The following LURAP1L variants were observed in gnomAD, a reference collection of about 807,000 sequenced individuals.
The protein encoded by LURAP1L is leucine rich adaptor protein 1 like.
Under a neutral mutation model 13.8 loss-of-function variants are expected in LURAP1L, and 12 were observed. That is an observed-to-expected ratio of 0.87 (90% CI 0.56 to 1.41). LURAP1L has a LOEUF of 1.41. Ranked by LOEUF, LURAP1L falls within the 40% of genes most tolerant of loss-of-function variation. LURAP1L has a pLI of 0.00. For synonymous variants in LURAP1L, 139 were observed against 119.2 expected, an observed-to-expected ratio of 1.17 and a Z score of -1.08; for missense variants, 375 against 292.9, an observed-to-expected ratio of 1.28 and a Z score of -2.04.
At chr9:12,820,890 G>T (rs1586889634) in intron 1 of LURAP1L, among the ~76,000 whole-genome samples, 1 of 152,124 alleles carries the variant, frequency 6.6e-6, no homozygotes, top group Middle Eastern at 3.4e-3. Context: ...ATTAGATTTT[G>T]CTAATGAATG....
chr9:12,804,503 T>C (rs1200337831), intron 1 of LURAP1L, among the ~76,000 whole-genome samples: 1 of 152,034 alleles, frequency 6.6e-6, no homozygotes, highest in Non-Finnish European at 1.5e-5. Flanking sequence ...CCACCACTCC[T>C]GGCTAATTTT....
intron 1 of LURAP1L, among the ~76,000 whole-genome samples, chr9:12,818,780 A>G (rs1819835878): frequency 6.6e-6 from 1 of 152,004 alleles, no homozygotes; most frequent in Admixed American, 6.6e-5. Context: ...TTCATGGGAG[A>G]GGGTGGAGAT....
intron 1 of LURAP1L, among the ~76,000 whole-genome samples, chr9:12,811,114 T>C (rs1347760049): frequency 6.6e-6 from 1 of 152,184 alleles, no homozygotes; most frequent in Non-Finnish European, 1.5e-5. Flanking sequence ...ATTACCATCC[T>C]AATCACCTCC....
intron 1 of LURAP1L, among the ~76,000 whole-genome samples, chr9:12,804,854 A>T (rs908937458): frequency 2.5e-4 from 38 of 152,102 alleles, no homozygotes; most frequent in African/African-American, 9.2e-4. Context: ...CTTTTTTCAT[A>T]CTTGTCAGGT....
At chr9:12,785,116 G>A (rs867753529) in intron 1 of LURAP1L, among the ~76,000 whole-genome samples, 4 of 152,024 alleles carry the variant, frequency 2.6e-5, no homozygotes, top group African/African-American at 9.7e-5. Flanking sequence ...TCAGGGCAGC[G>A]GGTTCCCTTC....
Position 12,821,886 on chromosome 9 carries a change from C to A in LURAP1L, c.*126C>A. The A allele has an allele frequency of 8.7e-7, 1 of 1,145,898 alleles. No individual in the cohort carries two copies. Among genetic ancestry groups the A allele is most frequent in the Non-Finnish European group, 1.2e-6 (1 of 811,530 alleles). The allele number at this position is 1,145,898 out of a possible 1,614,324, so 71.0% of individuals were successfully genotyped here. On this transcript the variant is annotated 3_prime_UTR_variant, in exon 2 of 2. Coordinates refer to ENST00000319264, the MANE Select transcript of LURAP1L (RefSeq NM_203403.2). ...TTTTTAAAAGAAGCTGATTTTGAAACTGCTTAATGGTATTGCTGTTGCTCC... is the reference window on the plus strand; with the variant it reads ...TTTTTAAAAGAAGCTGATTTTGAAAATGCTTAATGGTATTGCTGTTGCTCC...
chr9:12,814,804 C>G (rs76561069), intron 1 of LURAP1L, among the ~76,000 whole-genome samples: 2,959 of 152,232 alleles, frequency 0.019, 114 homozygotes, highest in African/African-American at 0.068. Flanking sequence ...TTTTCTATAA[C>G]GTTCTGGGAA....
intron 1 of LURAP1L, 79 bp from the exon 2 acceptor site, chr9:12,821,307 C>G (rs924472159): frequency 6.9e-7 from 1 of 1,457,504 alleles, no homozygotes; most frequent in African/African-American, 1.4e-5. Context: ...TGAACTGCAG[C>G]AGACAGTCCC....
chr9:12,791,268 G>T (rs1423844935), intron 1 of LURAP1L, among the ~76,000 whole-genome samples: 2 of 152,062 alleles, frequency 1.3e-5, no homozygotes, highest in Non-Finnish European at 2.9e-5. Flanking sequence ...TTTGAAAACA[G>T]ATCCAAAATA....
At chr9:12,816,715 G>A (rs1211104608) in intron 1 of LURAP1L, among the ~76,000 whole-genome samples, 1 of 152,134 alleles carries the variant, frequency 6.6e-6, no homozygotes, top group Non-Finnish European at 1.5e-5. Context: ...AAAATGACAT[G>A]AAATCTCAAC....
intron 1 of LURAP1L, among the ~76,000 whole-genome samples, chr9:12,787,545 G>C (rs780538994): frequency 5.9e-5 from 9 of 152,122 alleles, no homozygotes; most frequent in African/African-American, 9.7e-5. Context: ...AGAAACTTGA[G>C]AGGTTATCCA....
rs1371016923 is a variant in LURAP1L, at chr9:12,805,910, A to G, written c.313-15476A>G. ...TAGACAATAAGTTAAACAAATGTGG[A>G]ACTTCCTGGCCAAGATCAGGAGCGA... On this transcript the variant is annotated intron_variant, in intron 1 of 1. Coordinates refer to ENST00000319264, the MANE Select transcript of LURAP1L (RefSeq NM_203403.2). Among the ~76,000 whole-genome samples the G allele has an allele frequency of 2.0e-5, 3 of 152,206 alleles. No individual in the cohort carries two copies. The East Asian group carries it at 5.8e-4, about 29-fold the overall frequency.
chr9:12,785,055 AG>A (rs2118472107), intron 1 of LURAP1L, among the ~76,000 whole-genome samples: 1 of 151,150 alleles, frequency 6.6e-6, no homozygotes, highest in African/African-American at 2.4e-5. Flanking sequence ...TCAAGGCCCA[AG>A]GGCTCTTTTT....
chr9:12,819,342 T>C (rs977459181), intron 1 of LURAP1L, among the ~76,000 whole-genome samples: 4 of 152,224 alleles, frequency 2.6e-5, no homozygotes, highest in Admixed American at 1.3e-4. Flanking sequence ...TTTTGAAACC[T>C]GTACAATCTT....
At chr9:12,809,012 A>T (rs774069368) in intron 1 of LURAP1L, among the ~76,000 whole-genome samples, 1 of 152,194 alleles carries the variant, frequency 6.6e-6, no homozygotes, top group Non-Finnish European at 1.5e-5. Context: ...GCTTACAATC[A>T]TGGCAGAAGG....
chr9:12,812,747 T>G (rs1265224230), intron 1 of LURAP1L, among the ~76,000 whole-genome samples: 1 of 152,198 alleles, frequency 6.6e-6, no homozygotes, highest in Non-Finnish European at 1.5e-5. Flanking sequence ...TCAAATGCAT[T>G]GCTGAACAAC....
At chr9:12,814,850 A>G (rs928903572) in intron 1 of LURAP1L, among the ~76,000 whole-genome samples, 48 of 152,326 alleles carry the variant, frequency 3.2e-4, no homozygotes, top group African/African-American at 9.6e-4. Context: ...TCAGTTCCAC[A>G]TATAAACAAC....
chr9:12,791,582 C>T (rs1159276564), intron 1 of LURAP1L, among the ~76,000 whole-genome samples: 1 of 151,538 alleles, frequency 6.6e-6, no homozygotes, highest in Non-Finnish European at 1.5e-5. Context: ...GCTATATATC[C>T]CTTATCCACA....
intron 1 of LURAP1L, among the ~76,000 whole-genome samples, chr9:12,804,852 A>G (rs983702941): frequency 6.6e-6 from 1 of 151,934 alleles, no homozygotes; most frequent in Non-Finnish European, 1.5e-5. Context: ...TTCTTTTTTC[A>G]TACTTGTCAG....
Sources: allele counts gnomAD v4.1 joint callset (sites outside exome capture counted in the v4.1 genomes callset), GRCh38; gene constraint gnomAD v4.1.1; transcripts MANE v1.5; gene names NCBI Gene and HGNC (gene_info 2026-07-23, HGNC 2026-07-21).